Variants in ESRRB observed in about 807,000 individuals in gnomAD.
ESRRB encodes estrogen related receptor beta.
In ESRRB, 16 loss-of-function variants were observed where a neutral mutation model predicts 46.0. The observed-to-expected ratio is 0.35, with a 90% CI of 0.24 to 0.53. The LOEUF (loss-of-function observed/expected upper bound fraction) is 0.53. Among genes scored for constraint, ESRRB ranks in the 20% least tolerant of loss-of-function variants. The pLI is 0.93. For synonymous variants in ESRRB, 246 were observed against 259.6 expected (o/e 0.95, Z 0.50); for missense variants, 488 against 607.4 (o/e 0.80, Z 2.07).
chr14:76,403,164 G>T (rs56370222), intron 1 of ESRRB, among the ~76,000 whole-genome samples: 146 of 152,304 alleles, frequency 9.6e-4, no homozygotes, highest in African/African-American at 3.4e-3. Context: ...TTGTATGCAT[G>T]ATCTCATTTA....
chr14:76,350,329 G>T (rs1170030008), intron 1 of ESRRB, among the ~76,000 whole-genome samples: 1 of 152,218 alleles, frequency 6.6e-6, no homozygotes, highest in African/African-American at 2.4e-5. Flanking sequence ...CACTGTGCTG[G>T]ACACAGAACA....
chr14:76,427,879 A>G (rs1887270376), intron 1 of ESRRB, among the ~76,000 whole-genome samples: 1 of 152,212 alleles, frequency 6.6e-6, no homozygotes, highest in Admixed American at 6.5e-5. Flanking sequence ...TAAGGGGCAG[A>G]GCTAGGATTC....
chr14:76,496,739 G>A (rs187094109), intron 6 of ESRRB, among the ~76,000 whole-genome samples: 18 of 152,272 alleles, frequency 1.2e-4, no homozygotes, highest in African/African-American at 3.6e-4. Context: ...CTCAGTGCAC[G>A]GGATGACTCA....
At chr14:76,454,650 A>G (rs1284147134) in intron 2 of ESRRB, among the ~76,000 whole-genome samples, 1 of 152,122 alleles carries the variant, frequency 6.6e-6, no homozygotes, top group Non-Finnish European at 1.5e-5. Context: ...GATCTGCTGG[A>G]GCCTACAAAC....
intron 1 of ESRRB, among the ~76,000 whole-genome samples, chr14:76,331,454 C>T (rs1180296178): frequency 1.3e-5 from 2 of 152,146 alleles, no homozygotes; most frequent in African/African-American, 4.8e-5. Flanking sequence ...GTAGTGAGGG[C>T]TCCTGATGTG....
chr14:76,459,878 G>A (rs897545321), intron 2 of ESRRB, among the ~76,000 whole-genome samples: 1 of 152,044 alleles, frequency 6.6e-6, no homozygotes, highest in South Asian at 2.1e-4. Context: ...GGTGGTGCCT[G>A]CTGGACTTGA....
chr14:76,489,366 T>C (rs1010269012), intron 5 of ESRRB, among the ~76,000 whole-genome samples: 2 of 151,600 alleles, frequency 1.3e-5, no homozygotes, highest in African/African-American at 2.4e-5. Flanking sequence ...TCCATTTCTA[T>C]CTATCTTTTA....
In ESRRB at chr14:76,482,351, C is replaced by G. The variant is rs1308457993; in HGVS notation, c.688+225C>G. Among the ~76,000 whole-genome samples, 2 of 152,214 alleles carry G rather than the reference C, an allele frequency of 1.3e-5. No homozygotes were observed. The highest frequency in any genetic ancestry group is 2.1e-4 in the South Asian group (1 of 4,836). On this transcript the variant is annotated intron_variant, in intron 4 of 6. Coordinates refer to ENST00000644823, the MANE Select transcript of ESRRB (RefSeq NM_001379180.1). The surrounding 1 kb of genome is among the most constrained non-coding windows in gnomAD (Gnocchi z 4.3). ...GAACATGCTCCCCTTGCCACCCACC[C>G]AAAGTTGCTCTGCAGGTTCCTCCTG... is the stretch of plus-strand genomic sequence containing the variant.
intron 1 of ESRRB, among the ~76,000 whole-genome samples, chr14:76,412,032 A>C (rs1308033414): frequency 6.6e-6 from 1 of 152,166 alleles, no homozygotes; most frequent in African/African-American, 2.4e-5. Flanking sequence ...CAAGATCTTG[A>C]TTCTTCTTTA....
intron 2 of ESRRB, among the ~76,000 whole-genome samples, chr14:76,460,363 A>C (rs1888800412): frequency 6.6e-6 from 1 of 152,214 alleles, no homozygotes; most frequent in Admixed American, 6.5e-5. Context: ...CCAGAGCCTC[A>C]GTTTCTTGGT....
At chr14:76,394,763 T>A (rs1006740601) in intron 1 of ESRRB, among the ~76,000 whole-genome samples, 14 of 152,102 alleles carry the variant, frequency 9.2e-5, no homozygotes, top group Non-Finnish European at 1.6e-4. Context: ...ATGGTGAGCC[T>A]CGGGCCAGGC....
chr14:76,381,907 T>C (rs1216190980), intron 1 of ESRRB, among the ~76,000 whole-genome samples: 2 of 152,206 alleles, frequency 1.3e-5, no homozygotes, highest in South Asian at 4.1e-4. Context: ...AACATGGAGC[T>C]GCACGGTCTT....
chr14:76,486,295 T>A (rs1890014968), intron 5 of ESRRB, among the ~76,000 whole-genome samples: 1 of 152,110 alleles, frequency 6.6e-6, no homozygotes, highest in Non-Finnish European at 1.5e-5. Flanking sequence ...CCAGGGAGTT[T>A]CCACCACCCT....
At chr14:76,416,625 A>G (rs1472919590) in intron 1 of ESRRB, among the ~76,000 whole-genome samples, 1 of 151,296 alleles carries the variant, frequency 6.6e-6, no homozygotes, top group Non-Finnish European at 1.5e-5. Context: ...ACCCACCACC[A>G]CACCTGGCTA....
chr14:76,329,463 T>A lies in ESRRB; in HGVS notation c.2+18547T>A, dbSNP rs753335. Among the ~76,000 whole-genome samples, 387 of 152,086 alleles carry A rather than the reference T, an allele frequency of 2.5e-3. 3 individuals are homozygous for A. In the East Asian group the frequency reaches 0.037, roughly 15 times the overall value. ...CACAGCAGAAAGATGCACAGCACAC[T>A]CCAGGCACTGACCTATGCAAACACA... On this transcript the variant is annotated intron_variant, in intron 1 of 6. Transcript: ENST00000512784.
intron 1 of ESRRB, among the ~76,000 whole-genome samples, chr14:76,332,741 T>TGTA (rs1884041977): frequency 5.0e-5 from 1 of 19,864 alleles, no homozygotes; most frequent in Non-Finnish European, 7.7e-5. Context: ...ATATATTATA[T>TGTA]ATTTATATAT....
chr14:76,317,022 ACCTT>A lies in ESRRB; in HGVS notation c.2+6112_2+6115del, dbSNP rs544339833. Reference sequence around the variant, plus strand: ...CCCGGGTGGTACACATGAGAGGAAGACCTTCCTTCTGAAGTTTTCCAAAGTGTCT... The same window carrying A: ...CCCGGGTGGTACACATGAGAGGAAGACCTTCTGAAGTTTTCCAAAGTGTCT... On this transcript the variant is annotated intron_variant, in intron 1 of 6. Transcript: ENST00000512784. Among the ~76,000 whole-genome samples the A allele has an allele frequency of 5.5e-4, 83 of 152,244 alleles. No individual in the cohort carries two copies. In the South Asian group the frequency reaches 0.016, roughly 30 times the overall value.
At position 76,498,638 on chromosome 14, in the gene ESRRB, G is replaced by A; in HGVS notation, c.*180G>A. ...GACTCCCGGGTGCAGTGGGGTGGGG[G>A]ACGGGGATGGGGGGGCAGGGGTGTG... On this transcript the variant is annotated 3_prime_UTR_variant, in exon 7 of 7. Coordinates refer to ENST00000644823, the MANE Select transcript of ESRRB (RefSeq NM_001379180.1). 2.0e-6 allele frequency: 2 copies of A among 981,722 alleles called. No homozygotes were observed. Among genetic ancestry groups the A allele is most frequent in the Non-Finnish European group, 1.4e-6 (1 of 699,780 alleles). The allele number at this position is 981,722 out of a possible 1,614,324, so 60.8% of individuals were successfully genotyped here.
intron 1 of ESRRB, among the ~76,000 whole-genome samples, chr14:76,393,379 A>T (rs1885544915): frequency 6.6e-6 from 1 of 152,096 alleles, no homozygotes. Context: ...GCCTCCTAAG[A>T]CTTTCCTCTG....
Sources: allele counts gnomAD v4.1 joint callset (sites outside exome capture counted in the v4.1 genomes callset), GRCh38; gene constraint gnomAD v4.1.1; non-coding constraint Gnocchi (gnomAD v3.1); transcripts MANE v1.5; gene names NCBI Gene and HGNC (gene_info 2026-07-23, HGNC 2026-07-21).